ZNF407: variants seen among roughly 807,000 people sequenced by gnomAD.
The protein encoded by ZNF407 is zinc finger protein 407.
Under a neutral mutation model 131.2 loss-of-function variants are expected in ZNF407, and 17 were observed. The observed-to-expected ratio is 0.13, with a 90% confidence interval of 0.09 to 0.19. The LOEUF (loss-of-function observed/expected upper bound fraction) is 0.19, where lower values mean the gene tolerates loss of function less well. ZNF407 is among the 10% of genes least tolerant of loss of function. The pLI, the probability that ZNF407 is intolerant of heterozygous loss-of-function variation, is 1.00. For missense variants in ZNF407, 2,681 were observed against 2,830.6 expected, an observed-to-expected ratio of 0.95 and a Z score of 1.20; for synonymous variants, 1,156 against 1,062.0, an observed-to-expected ratio of 1.09 and a Z score of -1.72.
At position 74,980,855 on chromosome 18, in the gene ZNF407, C is replaced by T. The variant is rs557922920; in HGVS notation, c.5428+60163C>T. Among the ~76,000 whole-genome samples the T allele has an allele frequency of 3.3e-5, 5 of 152,308 alleles. No individual in the cohort carries two copies. The East Asian group carries it at 7.7e-4, about 24-fold the overall frequency. On this transcript the variant is annotated intron_variant, in intron 8 of 8. Transcript: ENST00000299687. ...GCACCAGTCCTGCCATCACCGGCTC[C>T]GCTGCGGCCACTTGGAGAGGAGCCC...
At position 74,634,744 on chromosome 18, in the gene ZNF407, G is replaced by A. The variant is rs776809368; in HGVS notation, c.3725G>A (p.Gly1242Asp). Reference sequence around the variant, plus strand: ...GGAGGAAACGCAGGAGACGGTGGAGGTGTTGTCCCCCACAGACACCTGTGC... The same window carrying A: ...GGAGGAAACGCAGGAGACGGTGGAGATGTTGTCCCCCACAGACACCTGTGC... ...GEGGNAGDGG[G>D]VVPHRHLCPV... The change falls in exon 2 of 9, where the codon GGT becomes GAT. Residue 1242 changes from glycine to aspartate, a missense_variant. Around this residue, in one of 6 missense-constraint regions of ZNF407, gnomAD observed 1,789 missense variants for 1,748.7 expected, o/e 1.02. Coordinates refer to ENST00000299687, the MANE Select transcript of ZNF407 (RefSeq NM_017757.3). 1 of 1,614,064 alleles carries A rather than the reference G, an allele frequency of 6.2e-7. No homozygotes were observed. Among genetic ancestry groups the A allele is most frequent in the Non-Finnish European group, 8.5e-7 (1 of 1,179,900 alleles).
chr18:74,737,463 G>A lies in ZNF407; in HGVS notation c.4803-43965G>A, dbSNP rs1316628470. Among the ~76,000 whole-genome samples, 6 of 152,156 alleles carry A rather than the reference G, an allele frequency of 3.9e-5. 1 individual carries two copies. Among genetic ancestry groups the A allele is most frequent in the Admixed American group, 3.9e-4 (6 of 15,278 alleles). On this transcript the variant is annotated intron_variant, in intron 3 of 8. Coordinates refer to ENST00000299687, the MANE Select transcript of ZNF407 (RefSeq NM_017757.3). ...ACATTTATATGTACATATGTATTAA[G>A]TAATTATAATTGTTTGTTATCTGTA...
intron 1 of ZNF407, among the ~76,000 whole-genome samples, chr18:74,618,016 C>T (rs940366482): frequency 2.9e-4 from 44 of 152,130 alleles, no homozygotes; most frequent in Non-Finnish European, 5.3e-4. Context: ...CTCCTCTCTC[C>T]GTCCATCTCT....
intron 3 of ZNF407, among the ~76,000 whole-genome samples, chr18:74,680,104 A>C (rs748629264): frequency 6.6e-6 from 1 of 152,216 alleles, no homozygotes. Context: ...ATAAGCCAGA[A>C]AATCAGGCTG....
At chr18:74,761,624 C>T (rs1969098430) in intron 3 of ZNF407, among the ~76,000 whole-genome samples, 1 of 152,048 alleles carries the variant, frequency 6.6e-6, no homozygotes, top group Non-Finnish European at 1.5e-5. Context: ...AACATATAAA[C>T]CCTAAAATCT....
At chr18:74,648,968 G>T (rs766426521) in intron 3 of ZNF407, among the ~76,000 whole-genome samples, 18 of 152,064 alleles carry the variant, frequency 1.2e-4, no homozygotes, top group African/African-American at 1.9e-4. Flanking sequence ...TTCTCCCTCC[G>T]CACCCTTGAT....
chr18:74,631,441 A>T lies in ZNF407; in HGVS notation c.422A>T (p.Asp141Val). The change falls in exon 2 of 9, where the codon GAT (aspartate) becomes GTT (valine). Residue 141 changes from aspartate to valine, a missense_variant. Around this residue, in one of 6 missense-constraint regions of ZNF407, gnomAD observed 1,789 missense variants for 1,748.7 expected, o/e 1.02. Transcript: ENST00000299687. ...CCTTCTTGCAATTTTAGCACTATTG[A>T]TGTTGTTTCTCTGAAAACAGACACT... The part of the protein sequence containing the change: ...LSPSCNFSTI[D>V]VVSLKTDTEK... 1.9e-6 allele frequency: 3 copies of T among 1,613,982 alleles called. No individual in the cohort carries two copies. Among genetic ancestry groups the T allele is most frequent in the Non-Finnish European group, 2.5e-6 (3 of 1,179,880 alleles).
chr18:74,745,657 A>G (rs1313412927), intron 3 of ZNF407, among the ~76,000 whole-genome samples: 1 of 152,150 alleles, frequency 6.6e-6, no homozygotes, highest in African/African-American at 2.4e-5. Flanking sequence ...TTCTCCATCA[A>G]TTTTGGGAAA....
At chr18:74,993,403 G>A (rs564246176) in intron 8 of ZNF407, among the ~76,000 whole-genome samples, 1 of 152,272 alleles carries the variant, frequency 6.6e-6, no homozygotes, top group Non-Finnish European at 1.5e-5. Context: ...AGTGCACTCT[G>A]CAGTTCCACT....
chr18:74,971,948 C>T (rs929410042), intron 8 of ZNF407, among the ~76,000 whole-genome samples: 3 of 152,126 alleles, frequency 2.0e-5, no homozygotes, highest in African/African-American at 7.2e-5. Context: ...GGGTGGAAGG[C>T]ACTTCTTATT....
intron 3 of ZNF407, among the ~76,000 whole-genome samples, chr18:74,752,562 G>A (rs868650348): frequency 8.5e-5 from 13 of 152,266 alleles, no homozygotes; most frequent in African/African-American, 3.1e-4. Context: ...TAGGGTGTAA[G>A]GAAGGGATCC....
rs180908614 is a variant in ZNF407 at position 74,882,004 on chromosome 18, G to A, written c.5128+885G>A. Among the ~76,000 whole-genome samples the A allele has an allele frequency of 4.8e-4, 73 of 152,198 alleles. 3 individuals are homozygous for A. Among genetic ancestry groups the A allele is most frequent in the Admixed American group, 3.5e-3 (53 of 15,290 alleles). On this transcript the variant is annotated intron_variant, in intron 6 of 8. Transcript: ENST00000299687. ...CCCCTTTTTAAAACCATCAGATCTC[G>A]TGAGACTTATTCACTATCAGGAGAA...
At chr18:74,691,834 C>T (rs968103244) in intron 3 of ZNF407, among the ~76,000 whole-genome samples, 2 of 152,118 alleles carry the variant, frequency 1.3e-5, no homozygotes, top group African/African-American at 4.8e-5. Flanking sequence ...CAGCTCACGC[C>T]TGTAATCCCA....
At chr18:74,787,872 TTA>T (rs1969750208) in intron 4 of ZNF407, among the ~76,000 whole-genome samples, 1 of 152,216 alleles carries the variant, frequency 6.6e-6, no homozygotes, top group Non-Finnish European at 1.5e-5. Flanking sequence ...CTCATAAAAG[TTA>T]CATGTTTATT....
chr18:75,039,497 C>T (rs1029871978), intron 8 of ZNF407, among the ~76,000 whole-genome samples: 4 of 152,166 alleles, frequency 2.6e-5, no homozygotes, highest in Admixed American at 6.5e-5. Context: ...TGCACAGTAA[C>T]GGTGCTGCAG....
chr18:74,608,089 T>G (rs1473531994), intron 1 of ZNF407, among the ~76,000 whole-genome samples: 1 of 152,198 alleles, frequency 6.6e-6, no homozygotes, highest in Non-Finnish European at 1.5e-5. Context: ...TTGAAATAAT[T>G]TTAGAAAAAA....
intron 6 of ZNF407, among the ~76,000 whole-genome samples, chr18:74,881,835 G>A (rs1285559684): frequency 2.0e-5 from 3 of 152,106 alleles, no homozygotes; most frequent in African/African-American, 4.8e-5. Flanking sequence ...ACACATACCC[G>A]AGACTGGGCA....
At chr18:74,905,051 C>G (rs1320632100) in intron 7 of ZNF407, among the ~76,000 whole-genome samples, 1 of 152,184 alleles carries the variant, frequency 6.6e-6, no homozygotes, top group Non-Finnish European at 1.5e-5. Context: ...CAGTACAGCA[C>G]AGCTTTTTGT....
chr18:74,832,833 A>G (rs1421307271), intron 4 of ZNF407, among the ~76,000 whole-genome samples: 1 of 152,232 alleles, frequency 6.6e-6, no homozygotes, highest in South Asian at 2.1e-4. Context: ...CCATGAAGCT[A>G]TCATGTATTT....
Sources: allele counts gnomAD v4.1 joint callset (sites outside exome capture counted in the v4.1 genomes callset), GRCh38; gene constraint gnomAD v4.1.1; regional missense constraint gnomAD v4.1.1; transcripts MANE v1.5; gene names NCBI Gene and HGNC (gene_info 2026-07-23, HGNC 2026-07-21).